MRTFB: variants seen among roughly 807,000 people sequenced by gnomAD.
MRTFB encodes myocardin related transcription factor B, also known as myocardin-related transcription factor B.
Under a neutral mutation model 104.2 loss-of-function variants are expected in MRTFB, and 29 were observed. The ratio of observed to expected loss-of-function variants is 0.28; its 90% CI spans 0.21 to 0.38. MRTFB has a LOEUF of 0.38. Ranked by LOEUF, MRTFB falls within the 10% of genes least tolerant of loss-of-function variation. The pLI is 1.00. For synonymous variants in MRTFB, 535 were observed against 519.5 expected, an observed-to-expected ratio of 1.03 and a Z score of -0.41; for missense variants, 1,270 against 1,341.6, an observed-to-expected ratio of 0.95 and a Z score of 0.83.
At chr16:13,998,823 G>A in the MRTFB span, among the ~76,000 whole-genome samples, 1 of 127,456 alleles carries the variant, frequency 7.8e-6, no homozygotes, top group African/African-American at 2.8e-5. Flanking sequence ...AGTGAGCCAT[G>A]TTCATGCCAC....
chr16:14,237,617 C>T (rs886441023), intron 9 of MRTFB, among the ~76,000 whole-genome samples: 1 of 152,132 alleles, frequency 6.6e-6, no homozygotes, highest in African/African-American at 2.4e-5. Flanking sequence ...TGTTTGTGAT[C>T]CAGTGGGAGT....
the MRTFB span, among the ~76,000 whole-genome samples, chr16:14,051,571 TACAC>T: frequency 4.6e-5 from 7 of 150,830 alleles, no homozygotes; most frequent in Non-Finnish European, 7.4e-5. Context: ...CTCATACAAA[TACAC>T]ACACACACAC....
the MRTFB span, among the ~76,000 whole-genome samples, chr16:14,062,283 G>A: frequency 6.6e-6 from 1 of 151,992 alleles, no homozygotes; most frequent in South Asian, 2.1e-4. Context: ...ATTTTTTGTA[G>A]AGATGAGGGT....
the MRTFB span, among the ~76,000 whole-genome samples, chr16:14,057,436 G>A: frequency 6.6e-6 from 1 of 152,124 alleles, no homozygotes; most frequent in East Asian, 1.9e-4. Context: ...CACACATGTT[G>A]TTCCCTTTCC....
Position 14,089,048 on chromosome 16 carries a change from G to A in MRTFB, c.-64+9694G>A, listed in dbSNP as rs528784697. Among the ~76,000 whole-genome samples, 31 of 152,282 alleles carry A rather than the reference G, an allele frequency of 2.0e-4. 1 individual carries two copies. The South Asian group carries it at 6.4e-3, about 32-fold the overall frequency. ...ATTTCCTCATTTGAACAGATTGTGT[G>A]TTTTTACAACAGGTTATCTTGTAGC... On this transcript the variant is annotated intron_variant, in intron 2 of 16. Coordinates refer to ENST00000571589, the MANE Select transcript of MRTFB (RefSeq NM_001308142.2).
At chr16:14,100,144 G>A (rs918812926) in intron 2 of MRTFB, among the ~76,000 whole-genome samples, 6 of 152,136 alleles carry the variant, frequency 3.9e-5, no homozygotes, top group African/African-American at 1.2e-4. Flanking sequence ...GTGTAATGTT[G>A]AATAGAAATG....
At chr16:14,121,092 C>G (rs1029464001) in intron 2 of MRTFB, among the ~76,000 whole-genome samples, 2 of 152,122 alleles carry the variant, frequency 1.3e-5, no homozygotes, top group East Asian at 1.9e-4. Flanking sequence ...ATTTCTCTTA[C>G]ATCAGAAACT....
chr16:14,216,403 T>C (rs750940076), intron 6 of MRTFB, among the ~76,000 whole-genome samples: 1 of 152,188 alleles, frequency 6.6e-6, no homozygotes, highest in Non-Finnish European at 1.5e-5. Flanking sequence ...GGAAAAAACA[T>C]TAACAAGAGT....
chr16:14,145,577 A>C (rs2038269865), intron 3 of MRTFB, among the ~76,000 whole-genome samples: 1 of 152,128 alleles, frequency 6.6e-6, no homozygotes, highest in African/African-American at 2.4e-5. Flanking sequence ...ATTTTCCTTT[A>C]CTCTTGAATG....
chr16:14,153,085 T>C (rs1411618451), intron 3 of MRTFB: 1 of 152,130 alleles, frequency 6.6e-6, no homozygotes, highest in Admixed American at 6.5e-5. Flanking sequence ...ATTTTAGGTC[T>C]CCTTAGTGGA....
At chr16:14,052,752 A>G in the MRTFB span, among the ~76,000 whole-genome samples, 12 of 151,960 alleles carry the variant, frequency 7.9e-5, no homozygotes, top group South Asian at 2.1e-4. Context: ...AAAAAAAAAA[A>G]AAAGAAAGAA....
In MRTFB at chr16:14,192,301, G is replaced by T. The variant is rs1485350919; in HGVS notation, c.155-17942G>T. On this transcript the variant is annotated intron_variant, in intron 3 of 16. Coordinates refer to ENST00000571589, the MANE Select transcript of MRTFB (RefSeq NM_001308142.2). ...AGATGCAGGGATCCCTTGAACCCAG[G>T]AGTTTGAGGCTGCAGTAAGCTGTGA... is the stretch of plus-strand genomic sequence containing the variant. 2.0e-5 allele frequency among the ~76,000 whole-genome samples: 3 copies of T among 152,036 alleles called. No homozygotes were observed. In the East Asian group the frequency reaches 5.8e-4, roughly 29 times the overall value.
intron 3 of MRTFB, among the ~76,000 whole-genome samples, chr16:14,158,358 T>A (rs1441241944): frequency 6.6e-6 from 1 of 152,220 alleles, no homozygotes; most frequent in Non-Finnish European, 1.5e-5. Flanking sequence ...AGTGAGAGGA[T>A]GTCTTCCCTG....
chr16:14,070,624 C>G (rs987855399), upstream of MRTFB, among the ~76,000 whole-genome samples: 13 of 152,356 alleles, frequency 8.5e-5, no homozygotes, highest in African/African-American at 3.1e-4. Flanking sequence ...GTCGCCAGCT[C>G]CATTGAAAAC....
At chr16:14,044,403 G>A in the MRTFB span, among the ~76,000 whole-genome samples, 2 of 152,154 alleles carry the variant, frequency 1.3e-5, no homozygotes, top group Non-Finnish European at 1.5e-5. Context: ...TCATGGCGCC[G>A]ATCTTCATTT....
At chr16:14,113,900 A>C (rs2036403154) in intron 2 of MRTFB, among the ~76,000 whole-genome samples, 1 of 152,168 alleles carries the variant, frequency 6.6e-6, no homozygotes, top group Non-Finnish European at 1.5e-5. Flanking sequence ...CTGGTTTCAT[A>C]GGTCTCTTGA....
chr16:14,119,638 G>T (rs973809639), intron 2 of MRTFB, among the ~76,000 whole-genome samples: 1 of 152,086 alleles, frequency 6.6e-6, no homozygotes, highest in Non-Finnish European at 1.5e-5. Context: ...AGAGTAGAGG[G>T]AACCTTTTTT....
chr16:14,215,264 T>C (rs1419081320), intron 6 of MRTFB, among the ~76,000 whole-genome samples: 1 of 152,226 alleles, frequency 6.6e-6, no homozygotes, highest in Non-Finnish European at 1.5e-5. Context: ...TTTTAGGACA[T>C]CTGTTCTCAA....
chr16:13,995,683 G>A, the MRTFB span, among the ~76,000 whole-genome samples: 2 of 152,292 alleles, frequency 1.3e-5, no homozygotes, highest in South Asian at 2.1e-4. Flanking sequence ...GAGGCCTCAG[G>A]AAACTTACAA....
Sources: allele counts gnomAD v4.1 joint callset (sites outside exome capture counted in the v4.1 genomes callset), GRCh38; gene constraint gnomAD v4.1.1; transcripts MANE v1.5; gene names NCBI Gene and HGNC (gene_info 2026-07-23, HGNC 2026-07-21).